Variants in LRRK2 observed in about 807,000 individuals in gnomAD.
LRRK2 encodes the protein leucine rich repeat kinase 2, also known as leucine-rich repeat serine/threonine-protein kinase 2.
In LRRK2, 203 loss-of-function variants were observed where a neutral mutation model predicts 302.6. The ratio of observed to expected loss-of-function variants is 0.67; its 90% CI spans 0.60 to 0.75. The LOEUF (loss-of-function observed/expected upper bound fraction) is 0.75. Among genes scored for constraint, LRRK2 ranks in the 30% least tolerant of loss-of-function variants. LRRK2 has a pLI of 0.00. For missense variants in LRRK2, 2,830 were observed against 2,951.0 expected (o/e 0.96, Z 0.95); for synonymous variants, 1,066 against 1,031.9 (o/e 1.03, Z -0.63).
At chr12:40,336,187 A>G (rs568384907) in intron 40 of LRRK2, among the ~76,000 whole-genome samples, 2 of 152,248 alleles carry the variant, frequency 1.3e-5, no homozygotes, top group African/African-American at 4.8e-5. Context: ...TTCCTTGCAG[A>G]TACCAGAGGC....
intron 36 of LRRK2, 63 bp from the exon 37 acceptor site, chr12:40,322,256 C>T: frequency 6.3e-7 from 1 of 1,578,892 alleles, no homozygotes; most frequent in Non-Finnish European, 8.7e-7. Flanking sequence ...AAAACTTTAC[C>T]TTAAAGCTTT....
At chr12:40,263,272 A>G (rs190101230) in intron 13 of LRRK2, among the ~76,000 whole-genome samples, 3 of 152,306 alleles carry the variant, frequency 2.0e-5, no homozygotes, top group Non-Finnish European at 4.4e-5. Context: ...TAAAATAGCA[A>G]TGCTATTATA....
Position 40,287,485 on chromosome 12 carries a change from C to A in LRRK2, c.2635C>A (p.Pro879Thr). The A allele has an allele frequency of 6.2e-7, 1 of 1,612,696 alleles. No individual in the cohort carries two copies. Among genetic ancestry groups the A allele is most frequent in the Non-Finnish European group, 8.5e-7 (1 of 1,179,058 alleles). Residue 879 changes from proline (P) to threonine (T), a missense_variant, in exon 20 of 51, where the codon CCT becomes ACT. Transcript: ENST00000298910. ...TAAATTTGATGAATGGACCTTTATT[C>A]CTGACTCTTCTATGGACAGTGTGTT... ...LSKFDEWTFI[P>T]DSSMDSVFAQ...
At position 40,287,385 on chromosome 12, in the gene LRRK2, A is replaced by G. The variant is rs775508442; in HGVS notation, c.2535A>G (p.Arg845=). The G allele has an allele frequency of 1.2e-6, 2 of 1,612,666 alleles. No homozygotes were observed. Among genetic ancestry groups the G allele is most frequent in the South Asian group, 1.1e-5 (1 of 91,054 alleles). ...CTACACTAGCAAGAATGGTGATCAG[A>G]TATCAGATGAAAAGTGCTGTGGAAG... ...IASTLARMVI[R]YQMKSAVEEG... is the part of the protein sequence containing the mutation. The change falls in exon 20 of 51, where the codon AGA becomes AGG. Residue 845 remains arginine, a synonymous_variant. Coordinates refer to ENST00000298910, the MANE Select transcript of LRRK2 (RefSeq NM_198578.4).
chr12:40,350,838 A>C lies in LRRK2; in HGVS notation c.6382-701A>C, dbSNP rs1217056601. Among the ~76,000 whole-genome samples the C allele has an allele frequency of 3.3e-4, 50 of 152,152 alleles. 1 individual carries two copies. The highest frequency in any genetic ancestry group is 3.3e-3 in the Admixed American group (50 of 15,282). On this transcript the variant is annotated intron_variant, in intron 43 of 50. Transcript: ENST00000298910. Reference sequence around the variant, plus strand: ...TTTCAATTATACTTCACCTATACTTAACAGAATACTTAACAAATATGTATA... The same window carrying C: ...TTTCAATTATACTTCACCTATACTTCACAGAATACTTAACAAATATGTATA...
At chr12:40,297,923 A>G (rs1441909739) in intron 23 of LRRK2, among the ~76,000 whole-genome samples, 2 of 152,050 alleles carry the variant, frequency 1.3e-5, no homozygotes, top group Non-Finnish European at 1.5e-5. Flanking sequence ...CATTAATTCA[A>G]ATATTTGTTG....
intron 37 of LRRK2, among the ~76,000 whole-genome samples, chr12:40,322,782 A>G (rs565699005): frequency 1.3e-5 from 2 of 152,176 alleles, no homozygotes; most frequent in South Asian, 2.1e-4. Context: ...CATCTATCTC[A>G]TAGAACTGTT....
intron 6 of LRRK2, 39 bp from the exon 7 acceptor site, chr12:40,243,511 T>A: frequency 6.2e-7 from 1 of 1,605,666 alleles, no homozygotes; most frequent in Non-Finnish European, 8.5e-7. Flanking sequence ...AAGGAGAACA[T>A]GGTTACCTTA....
chr12:40,308,395 A>G, intron 28 of LRRK2, 72 bp from the exon 29 acceptor site: 1 of 1,176,178 alleles, frequency 8.5e-7, no homozygotes, highest in South Asian at 1.3e-5. Context: ...TGTGACATGT[A>G]AAAGAACTCA....
At chr12:40,340,525 G>T in intron 41 of LRRK2, 71 bp downstream of exon 41, 4 of 1,525,284 alleles carry the variant, frequency 2.6e-6, no homozygotes, top group Non-Finnish European at 3.6e-6. Flanking sequence ...TGTGAGTTCA[G>T]AAGAGTCAAA....
intron 43 of LRRK2, among the ~76,000 whole-genome samples, 168 bp downstream of exon 43, chr12:40,348,677 A>C (rs1352692866): frequency 1.3e-5 from 2 of 152,208 alleles, no homozygotes; most frequent in African/African-American, 4.8e-5. Flanking sequence ...GCACAAAAAA[A>C]GGACATTGCC....
intron 47 of LRRK2, among the ~76,000 whole-genome samples, chr12:40,360,849 C>T (rs1469683357): frequency 7.1e-6 from 1 of 141,726 alleles, no homozygotes; most frequent in Non-Finnish European, 1.6e-5. Context: ...ATGTGGTCTT[C>T]TCCTTACCTG....
Position 40,335,065 on chromosome 12 carries a change from G to A in LRRK2, c.5856G>A (p.Lys1952=), listed in dbSNP as rs1945827525. 3 of 1,614,084 alleles carry A rather than the reference G, an allele frequency of 1.9e-6. No individual in the cohort carries two copies. Among genetic ancestry groups the A allele is most frequent in the Non-Finnish European group, 2.5e-6 (3 of 1,179,990 alleles). Residue 1952 remains lysine (K), a synonymous_variant, in exon 40 of 51, where the codon AAG becomes AAA. Coordinates refer to ENST00000298910, the MANE Select transcript of LRRK2 (RefSeq NM_198578.4). ...TGTTGGTGATGGAGTTAGCCTCCAAGGGTTCCTTGGATCGCCTGCTTCAGC... is the reference window on the plus strand; with the variant it reads ...TGTTGGTGATGGAGTTAGCCTCCAAAGGTTCCTTGGATCGCCTGCTTCAGC... ...PRMLVMELAS[K]GSLDRLLQQD... is the part of the protein sequence containing the mutation.
At chr12:40,342,342 A>G (rs1946069183) in intron 41 of LRRK2, among the ~76,000 whole-genome samples, 1 of 152,148 alleles carries the variant, frequency 6.6e-6, no homozygotes, top group Non-Finnish European at 1.5e-5. Flanking sequence ...CAAGCCACAC[A>G]ATTCTTCCTG....
At chr12:40,351,821 T>C in intron 44 of LRRK2, 88 bp downstream of exon 44, 1 of 1,280,504 alleles carries the variant, frequency 7.8e-7, no homozygotes, top group Non-Finnish European at 1.1e-6. Context: ...TAAGAGCCAA[T>C]GTAGGATTAT....
chr12:40,290,393 A>C (rs1944097594), intron 20 of LRRK2, among the ~76,000 whole-genome samples: 1 of 152,032 alleles, frequency 6.6e-6, no homozygotes, highest in African/African-American at 2.4e-5. Flanking sequence ...TAATTATGGG[A>C]GTAATGCTGG....
chr12:40,246,236 A>G (rs1244868496), intron 7 of LRRK2, among the ~76,000 whole-genome samples: 1 of 151,874 alleles, frequency 6.6e-6, no homozygotes, highest in Non-Finnish European at 1.5e-5. Context: ...TTTATCAAAT[A>G]TACTTAAAAT....
chr12:40,347,093 G>T (rs959249406), intron 42 of LRRK2, among the ~76,000 whole-genome samples, 170 bp downstream of exon 42: 1 of 152,030 alleles, frequency 6.6e-6, no homozygotes, highest in Non-Finnish European at 1.5e-5. Context: ...ACCTGAAAAA[G>T]GTAGCAGTTT....
At chr12:40,336,456 C>T (rs983291311) in intron 40 of LRRK2, among the ~76,000 whole-genome samples, 1 of 152,100 alleles carries the variant, frequency 6.6e-6, no homozygotes, top group Non-Finnish European at 1.5e-5. Flanking sequence ...AGGGACTTTT[C>T]GTCTTGTTTG....
Sources: gnomAD v4.1 joint callset for allele counts (sites outside exome capture counted in the v4.1 genomes callset) on GRCh38, gnomAD v4.1.1 for gene constraint, MANE v1.5 for transcripts, NCBI Gene and HGNC (gene_info 2026-07-23, HGNC 2026-07-21) for gene names.